The following CFAP46 variants were observed in gnomAD, a reference collection of about 807,000 sequenced individuals.
The protein encoded by CFAP46 is cilia and flagella associated protein 46, also known as cilia- and flagella-associated protein 46.
CFAP46 carries 245 observed loss-of-function variants against 325.7 expected under a neutral mutation model. That is an observed-to-expected ratio of 0.75 (90% CI 0.68 to 0.84). The LOEUF (loss-of-function observed/expected upper bound fraction) is 0.84. Ranked by LOEUF, CFAP46 falls within the 40% of genes least tolerant of loss-of-function variation. CFAP46 has a pLI of 0.00. For synonymous variants in CFAP46, 1,523 were observed against 1,495.9 expected, an observed-to-expected ratio of 1.02 and a Z score of -0.42; for missense variants, 3,346 against 3,543.0, an observed-to-expected ratio of 0.94 and a Z score of 1.41.
rs1326963239 is a variant in CFAP46, at chr10:132,919,999, T to TCGGGCTGAGCGACCCC, written c.1730+44_1730+59dup. On this transcript the variant is annotated intron_variant, in intron 14 of 57. Transcript: ENST00000368586. The surrounding 1 kb of genome is among the most constrained non-coding windows in gnomAD (Gnocchi z 9.7). ...GCTCAGCCGCCACAGACACTGGCCCTCGGGCTGAGCGACCCCCGGGCTGAG... is the reference window on the plus strand; with the variant it reads ...GCTCAGCCGCCACAGACACTGGCCCTCGGGCTGAGCGACCCCCGGGCTGAGCGACCCCCGGGCTGAG... 2 of 1,442,048 alleles carry TCGGGCTGAGCGACCCC rather than the reference T, an allele frequency of 1.4e-6. No homozygotes were observed. Among genetic ancestry groups the TCGGGCTGAGCGACCCC allele is most frequent in the African/African-American group, 1.4e-5 (1 of 69,124 alleles). The allele number at this position is 1,442,048 out of a possible 1,614,324, so 89.3% of individuals were successfully genotyped here.
Position 132,929,824 on chromosome 10 carries a change from C to G in CFAP46, c.867-20G>C, listed in dbSNP as rs1196468292. 2.5e-6 allele frequency: 4 copies of G among 1,591,270 alleles called. No homozygotes were observed. Among genetic ancestry groups the G allele is most frequent in the Non-Finnish European group, 2.6e-6 (3 of 1,164,406 alleles). ...AGCATTCTGCAAACAAACAAACCAG[C>G]CAGCACCGGCTCAATAGGGGGCACA... is the stretch of plus-strand genomic sequence containing the variant. On this transcript the variant is annotated intron_variant, in intron 8 of 57. Transcript: ENST00000368586.
intron 38 of CFAP46, among the ~76,000 whole-genome samples, chr10:132,858,849 G>C (rs1356474962): frequency 6.6e-6 from 1 of 152,160 alleles, no homozygotes; most frequent in Non-Finnish European, 1.5e-5. Flanking sequence ...GCCAGAAGGA[G>C]GCCCTGTCAG....
At chr10:132,908,658 G>A (rs1473637853) in intron 21 of CFAP46, 24 bp from the exon 22 acceptor site, 6 of 1,514,480 alleles carry the variant, frequency 4.0e-6, no homozygotes, top group African/African-American at 2.8e-5. Flanking sequence ...GCAAGAGAAG[G>A]GGCACCGTGT....
chr10:132,909,209 G>A lies in CFAP46; in HGVS notation c.2685C>T (p.Val895=). 6.4e-7 allele frequency: 1 copy of A among 1,550,390 alleles called. No homozygotes were observed. Among genetic ancestry groups the A allele is most frequent in the South Asian group, 1.2e-5 (1 of 84,062 alleles). The change falls in exon 21 of 58, where the codon GTC becomes GTT. Residue 895 remains valine, a synonymous_variant. Coordinates refer to ENST00000368586, the MANE Select transcript of CFAP46 (RefSeq NM_001200049.3). Reference sequence around the variant, plus strand: ...ATGAGTACATTTCCAAGGCAACGAGGACTCTGGTCACCGAGCTGACATCCT... The same window carrying A: ...ATGAGTACATTTCCAAGGCAACGAGAACTCTGGTCACCGAGCTGACATCCT... ...TNEDVSSVTR[V]LVALEMYSCN... is the part of the protein sequence containing the mutation.
rs1452655105 is a variant in CFAP46 at position 132,817,944 on chromosome 10, CA to C, written c.7118-3031del. ...GGCTCCTGGCCACGCCCTCCATCCT[CA>C]CCGTCGGCAGCGCAGCCCCCAGGCT... On this transcript the variant is annotated intron_variant, in intron 50 of 57. Transcript: ENST00000368586. The surrounding 1 kb of genome is among the most constrained non-coding windows in gnomAD (Gnocchi z 4.4). Among the ~76,000 whole-genome samples, 1 of 152,208 alleles carries C rather than the reference CA, an allele frequency of 6.6e-6. No individual in the cohort carries two copies. Among genetic ancestry groups the C allele is most frequent in the Non-Finnish European group, 1.5e-5 (1 of 68,028 alleles).
chr10:132,845,679 C>T (rs1168570631), intron 44 of CFAP46, among the ~76,000 whole-genome samples: 2 of 152,256 alleles, frequency 1.3e-5, no homozygotes, highest in Admixed American at 1.3e-4. Context: ...AACCCTTAGA[C>T]CTGACCAAGG....
intron 31 of CFAP46, among the ~76,000 whole-genome samples, chr10:132,874,992 C>T (rs533599695): frequency 4.6e-5 from 7 of 152,082 alleles, no homozygotes; most frequent in Non-Finnish European, 1.0e-4. Flanking sequence ...GCAGATAAAA[C>T]GATGATGTAC....
chr10:132,824,783 A>T (rs1401470136), intron 50 of CFAP46, among the ~76,000 whole-genome samples: 17 of 76,384 alleles, frequency 2.2e-4, no homozygotes, highest in Admixed American at 6.7e-4. Flanking sequence ...ATGTTGTGTG[A>T]GTGCTGATGT....
Position 132,827,260 on chromosome 10 carries a change from G to T in CFAP46, c.7117+6098C>A, listed in dbSNP as rs1848073010. Among the ~76,000 whole-genome samples the T allele has an allele frequency of 6.6e-6, 1 of 152,110 alleles. No individual in the cohort carries two copies. Among genetic ancestry groups the T allele is most frequent in the African/African-American group, 2.4e-5 (1 of 41,430 alleles). ...GGACCAGCCACAGTTCCGAGAAGGG[G>T]CTGACCGTGGCCTGTGATGGACGGG... On this transcript the variant is annotated intron_variant, in intron 50 of 57. Transcript: ENST00000368586. This position sits in a 1 kb window ranked among gnomAD's most constrained non-coding sequence, Gnocchi z 5.7.
intron 25 of CFAP46, among the ~76,000 whole-genome samples, chr10:132,887,183 TCTCTCTCTC>T: frequency 1.1e-5 from 1 of 87,800 alleles, no homozygotes; most frequent in Non-Finnish European, 2.1e-5. Flanking sequence ...TCTCCCCTCT[TCTCTCTCTC>T]CTCTCTCCTC....
intron 17 of CFAP46, 35 bp from the exon 18 acceptor site, chr10:132,913,293 G>C: frequency 6.5e-7 from 1 of 1,533,850 alleles, no homozygotes; most frequent in Non-Finnish European, 8.8e-7. Flanking sequence ...CTTAATGCAG[G>C]GTCCCCAGCC....
intron 44 of CFAP46, among the ~76,000 whole-genome samples, chr10:132,838,117 C>T (rs763734984): frequency 1.3e-5 from 2 of 152,352 alleles, no homozygotes; most frequent in Admixed American, 6.5e-5. Context: ...GCAGCAGCTC[C>T]GGCCCGTCCG....
At chr10:132,885,489 C>T (rs894038643) in intron 26 of CFAP46, among the ~76,000 whole-genome samples, 2 of 151,948 alleles carry the variant, frequency 1.3e-5, no homozygotes, top group African/African-American at 4.8e-5. Flanking sequence ...TTTCAGTCCC[C>T]GCTCTCCCTG....
intron 4 of CFAP46, 148 bp from the exon 5 acceptor site, chr10:132,938,901 CTT>C: frequency 1.5e-6 from 1 of 687,472 alleles, no homozygotes. Flanking sequence ...ACCTGAGAAG[CTT>C]TGGCCCAGCC....
intron 29 of CFAP46, among the ~76,000 whole-genome samples, chr10:132,878,346 C>T (rs1848987140): frequency 6.6e-6 from 1 of 152,196 alleles, no homozygotes; most frequent in Non-Finnish European, 1.5e-5. Flanking sequence ...CTCAGTCTCA[C>T]TCCACTGTCA....
chr10:132,924,954 G>A (rs1435914714), intron 10 of CFAP46, 68 bp from the exon 11 acceptor site: 1 of 1,273,450 alleles, frequency 7.9e-7, no homozygotes, highest in Non-Finnish European at 1.0e-6. Flanking sequence ...GGCGGCACCT[G>A]CGTGCAGGGC....
Position 132,919,433 on chromosome 10 carries a change from A to T in CFAP46, c.1740T>A (p.Ile580=). Residue 580 remains isoleucine, a synonymous_variant, in exon 15 of 58, where the codon ATT becomes ATA. Transcript: ENST00000368586. This position sits in a 1 kb window ranked among gnomAD's most constrained non-coding sequence, Gnocchi z 9.7. Reference sequence around the variant, plus strand: ...GGGCCACTTTGGCCAGCTCTGCCCAAATCTGTATCCTGCTCACCGAGAACC... The same window carrying T: ...GGGCCACTTTGGCCAGCTCTGCCCATATCTGTATCCTGCTCACCGAGAACC... The part of the protein sequence containing the change: ...GNENDKERIQ[I]WAELAKVARK... 6.5e-7 allele frequency: 1 copy of T among 1,549,338 alleles called. No homozygotes were observed. The highest frequency in any genetic ancestry group is 8.7e-7 in the Non-Finnish European group (1 of 1,146,630).
At position 132,898,970 on chromosome 10, in the gene CFAP46, C is replaced by T. The variant is rs770826692; in HGVS notation, c.3208G>A (p.Ala1070Thr). The T allele has an allele frequency of 1.2e-5, 19 of 1,550,458 alleles. No homozygotes were observed. The highest frequency in any genetic ancestry group is 2.4e-5 in the South Asian group (2 of 84,074). The change falls in exon 24 of 58, where the codon GCC becomes ACC. Residue 1070 changes from alanine to threonine, a missense_variant. Coordinates refer to ENST00000368586, the MANE Select transcript of CFAP46 (RefSeq NM_001200049.3). ...CAGGGCTGGTGCACCTGCTTTCTGG[C>T]CTCTGTCTTGTTGATGATGCCGATG... ...RLIGIINKTE[A>T]RKQEKGKTLL...
intron 19 of CFAP46, among the ~76,000 whole-genome samples, chr10:132,911,649 G>A (rs1386096281): frequency 1.3e-5 from 2 of 152,198 alleles, no homozygotes; most frequent in African/African-American, 2.4e-5. Flanking sequence ...TGCAGCATCT[G>A]TCAACGAGAA....
Sources: allele counts gnomAD v4.1 joint callset (sites outside exome capture counted in the v4.1 genomes callset), GRCh38; gene constraint gnomAD v4.1.1; non-coding constraint Gnocchi (gnomAD v3.1); transcripts MANE v1.5; gene names NCBI Gene and HGNC (gene_info 2026-07-23, HGNC 2026-07-21).